The following PTPRN2 variants were observed in gnomAD, a reference collection of about 807,000 sequenced individuals.
PTPRN2 encodes the protein receptor-type tyrosine-protein phosphatase N2.
A neutral mutation model predicts 118.8 loss-of-function variants in PTPRN2; 74 were observed. That is an observed-to-expected ratio of 0.62 (90% CI 0.52 to 0.76). PTPRN2 has a LOEUF of 0.76. Ranked by LOEUF, PTPRN2 falls within the 30% of genes least tolerant of loss-of-function variation. The pLI, the probability that PTPRN2 is intolerant of heterozygous loss-of-function variation, is 0.00. For synonymous variants in PTPRN2, 641 were observed against 608.0 expected (o/e 1.05, Z -0.80); for missense variants, 1,481 against 1,394.4 (o/e 1.06, Z -0.99).
intron 11 of PTPRN2, among the ~76,000 whole-genome samples, chr7:157,989,237 G>A (rs571266427): frequency 2.0e-5 from 3 of 152,086 alleles, no homozygotes; most frequent in South Asian, 2.1e-4. Flanking sequence ...GGGCAACATG[G>A]TGAAACTCTG....
At chr7:158,569,669 C>CTGACAGGAACGCGGGGCGCGAGGCCGCT (rs1827871254) in intron 1 of PTPRN2, among the ~76,000 whole-genome samples, 1 of 139,122 alleles carries the variant, frequency 7.2e-6, no homozygotes, top group Non-Finnish European at 1.6e-5. Flanking sequence ...GGCCGCCTAA[C>CTGACAGGAACGCGGGGCGCGAGGCCGCT]TGACAGGAAC....
Position 157,560,908 on chromosome 7 carries a change from G to A in PTPRN2, c.2902+7994C>T, listed in dbSNP as rs935717788. Among the ~76,000 whole-genome samples the A allele has an allele frequency of 6.6e-6, 1 of 151,946 alleles. No homozygotes were observed. The highest frequency in any genetic ancestry group is 6.6e-5 in the Admixed American group (1 of 15,252). On this transcript the variant is annotated intron_variant, in intron 21 of 22. Coordinates refer to ENST00000389418, the MANE Select transcript of PTPRN2 (RefSeq NM_002847.5). The surrounding 1 kb of genome is among the most constrained non-coding windows in gnomAD (Gnocchi z 6.7). ...TTTCCCAATTCTGCCCAGCCCTCGC[G>A]TCCCCCTAAGTCTCATCTGCAGAAG...
intron 11 of PTPRN2, among the ~76,000 whole-genome samples, chr7:157,995,622 C>T (rs1317692094): frequency 6.6e-6 from 1 of 152,278 alleles, no homozygotes; most frequent in South Asian, 2.1e-4. Context: ...AGCCCCTGAA[C>T]GTGCATCTGG....
chr7:158,154,278 C>A (rs990344059), intron 6 of PTPRN2, among the ~76,000 whole-genome samples: 1 of 152,208 alleles, frequency 6.6e-6, no homozygotes, highest in African/African-American at 2.4e-5. Flanking sequence ...CTCGGGGAAA[C>A]CCATCCAGCC....
chr7:157,790,431 G>A (rs1300753723), intron 12 of PTPRN2, among the ~76,000 whole-genome samples: 4 of 152,178 alleles, frequency 2.6e-5, no homozygotes, highest in African/African-American at 9.6e-5. Flanking sequence ...AGGAGACCGG[G>A]CGCTCCTGCA....
chr7:157,658,119 C>G lies in PTPRN2; in HGVS notation c.2002-1568G>C, dbSNP rs115052062. On this transcript the variant is annotated intron_variant, in intron 13 of 22. Coordinates refer to ENST00000389418, the MANE Select transcript of PTPRN2 (RefSeq NM_002847.5). ...TCCTCTGTCATCAACGTGGAATATT[C>G]TGGGATAACGCCACAGTAGCCTTCG... Among the ~76,000 whole-genome samples, 731 of 151,208 alleles carry G rather than the reference C, an allele frequency of 4.8e-3. 6 individuals carry two copies. Among genetic ancestry groups the G allele is most frequent in the African/African-American group, 0.017 (693 of 41,386 alleles).
chr7:158,293,066 T>C (rs1800225262), intron 3 of PTPRN2, among the ~76,000 whole-genome samples: 1 of 151,860 alleles, frequency 6.6e-6, no homozygotes, highest in African/African-American at 2.4e-5. Context: ...ACATTCAGTC[T>C]AAAAAAGAAG....
intron 2 of PTPRN2, among the ~76,000 whole-genome samples, chr7:158,403,681 A>C (rs867994671): frequency 2.5e-4 from 38 of 152,254 alleles, no homozygotes; most frequent in African/African-American, 8.7e-4. Context: ...CGGGACTGCG[A>C]GTGCCTGGGG....
chr7:158,500,820 G>T (rs1239388534), intron 1 of PTPRN2, among the ~76,000 whole-genome samples: 3 of 152,258 alleles, frequency 2.0e-5, no homozygotes, highest in African/African-American at 7.2e-5. Context: ...AAAGCTGCGG[G>T]GCCCAGTCCC....
chr7:157,879,956 T>C lies in PTPRN2; in HGVS notation c.1788+18717A>G, dbSNP rs566002554. The stretch of plus-strand genomic sequence containing the variant: ...GCATATTTTTCTCTTTCCATTGCTC[T>C]GATCTTGAGTATTATCCACTGCTAA... On this transcript the variant is annotated intron_variant, in intron 12 of 22. Coordinates refer to ENST00000389418, the MANE Select transcript of PTPRN2 (RefSeq NM_002847.5). Among the ~76,000 whole-genome samples, 7 of 152,348 alleles carry C rather than the reference T, an allele frequency of 4.6e-5. No individual in the cohort carries two copies. The South Asian group carries it at 1.4e-3, about 32-fold the overall frequency.
At chr7:157,829,326 A>C (rs761826424) in intron 12 of PTPRN2, among the ~76,000 whole-genome samples, 3 of 152,230 alleles carry the variant, frequency 2.0e-5, no homozygotes, top group African/African-American at 4.8e-5. Flanking sequence ...AGGCCTCGCC[A>C]CTGATCAAAC....
At chr7:158,497,429 C>T (rs1406087313) in intron 1 of PTPRN2, among the ~76,000 whole-genome samples, 1 of 151,708 alleles carries the variant, frequency 6.6e-6, no homozygotes, top group Non-Finnish European at 1.5e-5. Context: ...CCCAGCCCAG[C>T]GTTTTGGGGA....
At chr7:158,333,124 G>A (rs1240570595) in intron 2 of PTPRN2, among the ~76,000 whole-genome samples, 2 of 111,848 alleles carry the variant, frequency 1.8e-5, no homozygotes, top group Non-Finnish European at 3.6e-5. Flanking sequence ...GACACCTGCA[G>A]ACATCACTCA....
intron 21 of PTPRN2, among the ~76,000 whole-genome samples, chr7:157,552,563 C>T (rs901686374): frequency 2.6e-5 from 4 of 152,140 alleles, no homozygotes; most frequent in Non-Finnish European, 4.4e-5. Flanking sequence ...GTTTAGAGCA[C>T]GCTATTTGTC....
rs1187329763 is a variant in PTPRN2 at position 158,138,301 on chromosome 7, G to T, written c.1125C>A (p.Ser375Arg). Residue 375 changes from serine to arginine, a missense_variant, in exon 7 of 23, where the codon AGC (serine) becomes AGA (arginine). Ser to Arg is a moderately radical substitution (Grantham distance 110, BLOSUM62 -1). Coordinates refer to ENST00000389418, the MANE Select transcript of PTPRN2 (RefSeq NM_002847.5). ...DGPKATLRGD[S>R]FPDDGVQDDD... The stretch of plus-strand genomic sequence containing the variant: ...CCATGGCGCTGCAGTCACCTGGAAA[G>T]CTGTCTCCACGGAGGGTGGCCTTGG... The T allele has an allele frequency of 6.2e-7, 1 of 1,612,830 alleles. No individual in the cohort carries two copies. The highest frequency in any genetic ancestry group is 8.5e-7 in the Non-Finnish European group (1 of 1,179,988).
intron 12 of PTPRN2, among the ~76,000 whole-genome samples, chr7:157,888,912 T>A (rs2151302171): frequency 6.6e-6 from 1 of 152,282 alleles, no homozygotes; most frequent in African/African-American, 2.4e-5. Context: ...TGTTCCAATA[T>A]CAATCTCCTG....
chr7:157,755,191 A>ATAAT (rs1376463399), intron 12 of PTPRN2, among the ~76,000 whole-genome samples: 1 of 152,220 alleles, frequency 6.6e-6, no homozygotes, highest in African/African-American at 2.4e-5. Context: ...AGACAATATT[A>ATAAT]TAATTTTACT....
In PTPRN2 at chr7:157,585,591, C is replaced by A. The variant is rs1800630488; in HGVS notation, c.2497-7451G>T. ...CCTGGCACAGGCGTCACTGAGACTC[C>A]CTGTGGCCTCTGCCTGTGCTCACGT... On this transcript the variant is annotated intron_variant, in intron 17 of 22. Coordinates refer to ENST00000389418, the MANE Select transcript of PTPRN2 (RefSeq NM_002847.5). The surrounding 1 kb of genome is among the most constrained non-coding windows in gnomAD (Gnocchi z 5.2). Among the ~76,000 whole-genome samples, 1 of 152,232 alleles carries A rather than the reference C, an allele frequency of 6.6e-6. No homozygotes were observed. Among genetic ancestry groups the A allele is most frequent in the African/African-American group, 2.4e-5 (1 of 41,456 alleles).
intron 2 of PTPRN2, among the ~76,000 whole-genome samples, chr7:158,479,066 G>C (rs750211966): frequency 1.3e-5 from 2 of 152,038 alleles, no homozygotes. Flanking sequence ...TGAGTGTTTC[G>C]GGGGCAGAAG....
Sources: allele counts gnomAD v4.1 joint callset (sites outside exome capture counted in the v4.1 genomes callset), GRCh38; gene constraint gnomAD v4.1.1; non-coding constraint Gnocchi (gnomAD v3.1); transcripts MANE v1.5; gene names NCBI Gene and HGNC (gene_info 2026-07-23, HGNC 2026-07-21).